VPS50: variants seen among roughly 807,000 people sequenced by gnomAD.
VPS50 encodes syndetin.
Under a neutral mutation model 139.7 loss-of-function variants are expected in VPS50, and 70 were observed. That is an observed-to-expected ratio of 0.50 (90% CI 0.41 to 0.61). The LOEUF is 0.61. Among genes scored for constraint, VPS50 ranks in the 20% least tolerant of loss-of-function variants. The pLI, the probability that VPS50 is intolerant of heterozygous loss-of-function variation, is 0.00. For missense variants in VPS50, 921 were observed against 1,133.7 expected (o/e 0.81, Z 2.69); for synonymous variants, 365 against 376.7 (o/e 0.97, Z 0.36).
At chr7:93,328,279 CAT>C (rs1267251626) in intron 21 of VPS50, among the ~76,000 whole-genome samples, 2 of 152,286 alleles carry the variant, frequency 1.3e-5, no homozygotes, top group Non-Finnish European at 2.9e-5. Context: ...GTAGTAAACA[CAT>C]AGCAGACACT....
At chr7:93,278,337 C>T (rs1796219726) in intron 12 of VPS50, among the ~76,000 whole-genome samples, 1 of 151,866 alleles carries the variant, frequency 6.6e-6, no homozygotes, top group African/African-American at 2.4e-5. Context: ...GGCATGGTGG[C>T]TTATGCCTGT....
At chr7:93,304,807 C>G (rs1426460619) in intron 17 of VPS50, among the ~76,000 whole-genome samples, 1 of 151,784 alleles carries the variant, frequency 6.6e-6, no homozygotes, top group African/African-American at 2.4e-5. Context: ...GACATGCATT[C>G]ATGTGGATTT....
intron 16 of VPS50, 21 bp downstream of exon 16, chr7:93,297,264 T>C (rs774701937): frequency 3.3e-6 from 5 of 1,512,524 alleles, no homozygotes; most frequent in Non-Finnish European, 4.4e-6. Context: ...TAATAAGATA[T>C]GAATCGACTT....
chr7:93,307,857 C>T (rs1404556429), intron 18 of VPS50, among the ~76,000 whole-genome samples: 1 of 151,800 alleles, frequency 6.6e-6, no homozygotes, highest in South Asian at 2.1e-4. Flanking sequence ...CATTTAAATA[C>T]GACCTTTCAT....
chr7:93,282,449 A>G (rs1796358489), intron 12 of VPS50, among the ~76,000 whole-genome samples: 1 of 152,092 alleles, frequency 6.6e-6, no homozygotes. Context: ...ATGAAATTGC[A>G]TTGTCTGTCA....
intron 14 of VPS50, 48 bp downstream of exon 14, chr7:93,294,684 C>T (rs775424542): frequency 1.4e-6 from 2 of 1,384,274 alleles, no homozygotes; most frequent in Admixed American, 2.1e-5. Context: ...ATAGAAATGT[C>T]ATGTCATAGT....
At chr7:93,295,771 C>G (rs981186475) in intron 14 of VPS50, among the ~76,000 whole-genome samples, 2 of 152,006 alleles carry the variant, frequency 1.3e-5, no homozygotes, top group African/African-American at 2.4e-5. Context: ...GTCACCCAGG[C>G]TGGAGTGTGG....
chr7:93,343,528 T>C (rs1357741037), intron 23 of VPS50, among the ~76,000 whole-genome samples: 3 of 151,956 alleles, frequency 2.0e-5, no homozygotes, highest in African/African-American at 7.3e-5. Context: ...AGACACATAA[T>C]TGTCAGATTC....
At chr7:93,317,126 A>G (rs1797451821) in intron 20 of VPS50, among the ~76,000 whole-genome samples, 1 of 152,114 alleles carries the variant, frequency 6.6e-6, no homozygotes, top group Admixed American at 6.5e-5. Context: ...GGTCTTGAAA[A>G]CCAAGGCATG....
intron 27 of VPS50, among the ~76,000 whole-genome samples, chr7:93,356,649 G>A (rs1472612120): frequency 9.2e-5 from 14 of 151,974 alleles, no homozygotes; most frequent in South Asian, 8.3e-4. Context: ...TATAGATAAC[G>A]AAAAATACTA....
chr7:93,357,989 C>T (rs1482021497), intron 27 of VPS50, among the ~76,000 whole-genome samples: 1 of 151,958 alleles, frequency 6.6e-6, no homozygotes, highest in Non-Finnish European at 1.5e-5. Flanking sequence ...TTTGATGACT[C>T]AATAACAAAG....
chr7:93,248,960 TA>T (rs1459842717), intron 2 of VPS50, among the ~76,000 whole-genome samples: 1 of 152,172 alleles, frequency 6.6e-6, no homozygotes, highest in Admixed American at 6.6e-5. Context: ...TAATATTACA[TA>T]GGGGCATTTG....
At chr7:93,309,757 G>C (rs537073274) in intron 19 of VPS50, among the ~76,000 whole-genome samples, 1 of 151,992 alleles carries the variant, frequency 6.6e-6, no homozygotes, top group African/African-American at 2.4e-5. Flanking sequence ...CCTTTTGCCA[G>C]TTAAATGGGC....
rs747539149 is a variant in VPS50, at chr7:93,256,580, A to T, written c.351+18A>T. ...ATGTAAAGGTAGGATAATATTTGTT[A>T]TTTTTTGTAGTAGAATTTTTAAATG... On this transcript the variant is annotated intron_variant, in intron 5 of 27. Coordinates refer to ENST00000305866, the MANE Select transcript of VPS50 (RefSeq NM_017667.4). 1 of 1,354,852 alleles carries T rather than the reference A, an allele frequency of 7.4e-7. No individual in the cohort carries two copies. The highest frequency in any genetic ancestry group is 1.0e-6 in the Non-Finnish European group (1 of 988,586). 83.9% of individuals were successfully genotyped at this position (1,354,852 alleles called of 1,614,324 possible).
At chr7:93,257,503 A>G in intron 6 of VPS50, 39 bp downstream of exon 6, 1 of 1,094,836 alleles carries the variant, frequency 9.1e-7, no homozygotes, top group East Asian at 2.4e-5. Context: ...TAAGCTGAAC[A>G]ATATTTCAAG....
At chr7:93,304,219 T>TA (rs1228156211) in intron 17 of VPS50, among the ~76,000 whole-genome samples, 1 of 151,830 alleles carries the variant, frequency 6.6e-6, no homozygotes, top group African/African-American at 2.4e-5. Context: ...GCAGTGCATA[T>TA]AGTTAGATCC....
At chr7:93,317,341 G>T (rs1797457723) in intron 20 of VPS50, among the ~76,000 whole-genome samples, 1 of 152,124 alleles carries the variant, frequency 6.6e-6, no homozygotes, top group African/African-American at 2.4e-5. Context: ...CTTAAGGTCA[G>T]GAGTTCAAGA....
chr7:93,340,635 C>T (rs1401850315), intron 22 of VPS50: 1 of 152,186 alleles, frequency 6.6e-6, no homozygotes. Flanking sequence ...TACATAAACT[C>T]ATATCCAAGG....
At chr7:93,345,936 C>G (rs1659475034) in intron 23 of VPS50, among the ~76,000 whole-genome samples, 1 of 152,200 alleles carries the variant, frequency 6.6e-6, no homozygotes, top group African/African-American at 2.4e-5. Flanking sequence ...GATGCCCTCT[C>G]TTACCAATCC....
Sources: allele counts gnomAD v4.1 joint callset (sites outside exome capture counted in the v4.1 genomes callset), GRCh38; gene constraint gnomAD v4.1.1; transcripts MANE v1.5; gene names NCBI Gene and HGNC (gene_info 2026-07-23, HGNC 2026-07-21).